The following ERCC2 variants were observed in gnomAD, a reference collection of about 807,000 sequenced individuals.
ERCC2 encodes the protein ERCC excision repair 2, TFIIH core complex helicase subunit, also known as general transcription and DNA repair factor IIH helicase subunit XPD.
In ERCC2, 90 loss-of-function variants were observed where a neutral mutation model predicts 99.4. The observed-to-expected ratio is 0.91, with a 90% confidence interval of 0.76 to 1.08. The LOEUF (loss-of-function observed/expected upper bound fraction) is 1.08. Ranked by LOEUF, ERCC2 falls within the 50% of genes least tolerant of loss-of-function variation. The pLI, the probability that ERCC2 is intolerant of heterozygous loss-of-function variation, is 0.00. For synonymous variants in ERCC2, 497 were observed against 432.4 expected, an observed-to-expected ratio of 1.15 and a Z score of -1.85; for missense variants, 993 against 1,038.1, an observed-to-expected ratio of 0.96 and a Z score of 0.60.
At chr19:45,368,429 G>T (rs1001208168) in intron 5 of ERCC2, among the ~76,000 whole-genome samples, 1 of 152,156 alleles carries the variant, frequency 6.6e-6, no homozygotes, top group Non-Finnish European at 1.5e-5. Context: ...CTAGGCCTGG[G>T]TAGAATTTGA....
chr19:45,358,289 G>C (rs1972084433), intron 12 of ERCC2: 1 of 187,342 alleles, frequency 5.3e-6, no homozygotes, highest in Non-Finnish European at 1.1e-5. Context: ...CAAAGTGCCA[G>C]GATTACAAGT....
rs1217276240 is a variant in ERCC2, at chr19:45,351,643, C to G, written c.2269G>C (p.Ala757Pro). ...EETLKRIEQI[A>P]QQL ...ACCCGCCCCACTCAGAGCTGCTGAG[C>G]AATCTGCTCTATCCTCTTCAGCGTC... Residue 757 changes from alanine to proline, a missense_variant, in exon 23 of 23, where the codon GCT (alanine) becomes CCT (proline). This residue lies in a region of ERCC2 where 909 missense variants were observed against 930.8 expected (regional missense o/e 0.98). Coordinates refer to ENST00000391945, the MANE Select transcript of ERCC2 (RefSeq NM_000400.4). 1.9e-6 allele frequency: 3 copies of G among 1,614,072 alleles called. No individual in the cohort carries two copies. The highest frequency in any genetic ancestry group is 2.5e-6 in the Non-Finnish European group (3 of 1,179,988).
chr19:45,356,805 C>T (rs957478685), intron 15 of ERCC2, among the ~76,000 whole-genome samples: 1 of 152,136 alleles, frequency 6.6e-6, no homozygotes, highest in Non-Finnish European at 1.5e-5. Context: ...AAGACTCCGT[C>T]GCACAACAAA....
Position 45,351,086 on chromosome 19 carries a change from G to GGGC in ERCC2, c.*540_*542dup. 6.2e-7 allele frequency: 1 copy of GGGC among 1,612,572 alleles called. No homozygotes were observed. The highest frequency in any genetic ancestry group is 1.1e-5 in the South Asian group (1 of 90,948). On this transcript the variant is annotated 3_prime_UTR_variant, in exon 23 of 23. Coordinates refer to ENST00000391945, the MANE Select transcript of ERCC2 (RefSeq NM_000400.4). ...TAGGTGCAGAGATGAGGCAAAGGCA[G>GGGC]GGCGGTCGGGCCAGTGGTGGAGTCA...
At chr19:45,356,834 G>C (rs1972029067) in intron 15 of ERCC2, among the ~76,000 whole-genome samples, 1 of 152,150 alleles carries the variant, frequency 6.6e-6, no homozygotes, top group Admixed American at 6.6e-5. Flanking sequence ...ACCACATCCA[G>C]CCTGGGGACT....
chr19:45,364,036 T>C lies in ERCC2; in HGVS notation c.899A>G (p.Glu300Gly), dbSNP rs1972328811. ...GGGGTTGGCCAGGTGGGCGTCCGTC[T>C]CCCGGGCGGCGCTGGCCTCCCGCAG... ...EGLREASAAR[E>G]TDAHLANPVL... The change falls in exon 10 of 23, where the codon GAG becomes GGG. Residue 300 changes from glutamate to glycine, a missense_variant. Around this residue, in one of 3 missense-constraint regions of ERCC2, gnomAD observed 909 missense variants for 930.8 expected, o/e 0.98. Coordinates refer to ENST00000391945, the MANE Select transcript of ERCC2 (RefSeq NM_000400.4). The C allele has an allele frequency of 1.3e-6, 2 of 1,560,278 alleles. No homozygotes were observed. Among genetic ancestry groups the C allele is most frequent in the South Asian group, 2.3e-5 (2 of 85,584 alleles).
intron 17 of ERCC2, among the ~76,000 whole-genome samples, chr19:45,354,273 T>G (rs1022721552): frequency 6.6e-6 from 1 of 152,216 alleles, no homozygotes; most frequent in Non-Finnish European, 1.5e-5. Context: ...CGACCTCCTC[T>G]AGCTGCTTCC....
At position 45,357,690 on chromosome 19, in the gene ERCC2, ATGG is replaced by A. The variant is rs778831415; in HGVS notation, c.1244_1246del (p.Thr415del). On this transcript the variant is annotated inframe_deletion, in exon 13 of 23. Coordinates refer to ENST00000391945, the MANE Select transcript of ERCC2 (RefSeq NM_000400.4). ...TCTGTCGTCAAAGGGCTCGATGATG[ATGG>A]TGAAGCCTGCAGAGGGCAGGCAAGG... 6.2e-6 allele frequency: 10 copies of A among 1,613,646 alleles called. No homozygotes were observed. The highest frequency in any genetic ancestry group is 1.3e-5 in the African/African-American group (1 of 74,884).
chr19:45,368,292 T>C (rs1368759965), intron 5 of ERCC2, among the ~76,000 whole-genome samples: 1 of 152,144 alleles, frequency 6.6e-6, no homozygotes, highest in African/African-American at 2.4e-5. Context: ...ATTATCCCCA[T>C]TTTACAGAAA....
Position 45,367,400 on chromosome 19 carries a change from CAT to C in ERCC2, c.360+1228_360+1229del, listed in dbSNP as rs199743099. Among the ~76,000 whole-genome samples the C allele has an allele frequency of 8.4e-4, 123 of 147,012 alleles. 1 individual carries two copies. The highest frequency in any genetic ancestry group is 3.0e-3 in the Admixed American group (43 of 14,512). ...ACACACACACACACACACACACACA[CAT>C]ATAAAAACATATATACACACACATA... On this transcript the variant is annotated intron_variant, in intron 5 of 22. Coordinates refer to ENST00000391945, the MANE Select transcript of ERCC2 (RefSeq NM_000400.4).
At position 45,352,878 on chromosome 19, in the gene ERCC2, C is replaced by G; in HGVS notation, c.1832-62G>C. ...AGTGTGGCTGGTGGGACAGGGACAG[C>G]CTCACGCGACCCAGGATGCTGTGTC... On this transcript the variant is annotated intron_variant, in intron 19 of 22. Coordinates refer to ENST00000391945, the MANE Select transcript of ERCC2 (RefSeq NM_000400.4). The G allele has an allele frequency of 2.0e-6, 3 of 1,501,886 alleles. No homozygotes were observed. The South Asian group carries it at 3.4e-5, about 17-fold the overall frequency. 93.0% of individuals were successfully genotyped at this position (1,501,886 alleles called of 1,614,324 possible). A position where few individuals can be genotyped will look rare whatever the true frequency, so the allele number is the denominator to read the frequency against.
intron 21 of ERCC2, 47 bp downstream of exon 21, chr19:45,352,459 T>C (rs1263382649): frequency 1.2e-6 from 2 of 1,613,924 alleles, no homozygotes; most frequent in South Asian, 1.1e-5. Flanking sequence ...AACAGCCTGG[T>C]TCTTGGAGCC....
Position 45,350,810 on chromosome 19 carries a change from C to A in ERCC2, c.*819G>T. 1.5e-6 allele frequency: 2 copies of A among 1,307,338 alleles called. No individual in the cohort carries two copies. The highest frequency in any genetic ancestry group is 2.4e-5 in the East Asian group (1 of 42,182). The allele number at this position is 1,307,338 out of a possible 1,614,324, so 81.0% of individuals were successfully genotyped here. On this transcript the variant is annotated 3_prime_UTR_variant, in exon 23 of 23. Transcript: ENST00000391945. ...AGCAGAATCCACAGCCCACCCCACC[C>A]CCACCCCCATCTTGCTCAAGAACCT...
intron 12 of ERCC2, chr19:45,357,945 C>T: frequency 1.7e-6 from 1 of 581,908 alleles, no homozygotes; most frequent in Non-Finnish European, 3.1e-6. Flanking sequence ...AGTAGAGAGC[C>T]CACAGCCCCG....
chr19:45,352,682 TGG>T, intron 20 of ERCC2, 33 bp from the exon 21 acceptor site: 1 of 1,612,574 alleles, frequency 6.2e-7, no homozygotes, highest in Non-Finnish European at 8.5e-7. Flanking sequence ...GCTGGGGAGG[TGG>T]GGGAGCCACT....
At chr19:45,364,815 G>A in intron 7 of ERCC2, 23 bp downstream of exon 7, 2 of 1,569,100 alleles carry the variant, frequency 1.3e-6, no homozygotes, top group Non-Finnish European at 1.8e-6. Flanking sequence ...TCGCCCCTCT[G>A]CCCATCCCAC....
intron 22 of ERCC2, 135 bp downstream of exon 22, chr19:45,352,074 A>G (rs1352945731): frequency 9.5e-6 from 10 of 1,054,520 alleles, no homozygotes; most frequent in Non-Finnish European, 1.4e-5. Context: ...TGGCACGTAG[A>G]TGCACGATAA....
At position 45,354,471 on chromosome 19, in the gene ERCC2, G is replaced by A. The variant is rs3916871; in HGVS notation, c.1665+259C>T. Reference sequence around the variant, plus strand: ...AGCAGAGAAGCAAGGAACCTAGAACGTGGGGGTGACTCTGCCACAGGGTAC... The same window carrying A: ...AGCAGAGAAGCAAGGAACCTAGAACATGGGGGTGACTCTGCCACAGGGTAC... On this transcript the variant is annotated intron_variant, in intron 17 of 22. Coordinates refer to ENST00000391945, the MANE Select transcript of ERCC2 (RefSeq NM_000400.4). Among the ~76,000 whole-genome samples, 1,122 of 152,340 alleles carry A rather than the reference G, an allele frequency of 7.4e-3. 11 individuals are homozygous for A. Among genetic ancestry groups the A allele is most frequent in the African/African-American group, 0.022 (921 of 41,572 alleles).
At position 45,351,697 on chromosome 19, in the gene ERCC2, G is replaced by C. The variant is rs199922063; in HGVS notation, c.2215C>G (p.Leu739Val). 6.2e-7 allele frequency: 1 copy of C among 1,613,926 alleles called. No individual in the cohort carries two copies. Among genetic ancestry groups the C allele is most frequent in the Non-Finnish European group, 8.5e-7 (1 of 1,180,004 alleles). Residue 739 changes from leucine (L) to valine (V), a missense_variant, in exon 23 of 23, where the codon CTC (leucine) becomes GTC (valine). Transcript: ENST00000391945. ...TCTGATTCTAGCTGCTCCAGGCTGA[G>C]CAGGGACAGGCCCAGCTGATCCTCC... ...HREDQLGLSLLSLEQLESEET... is the reference protein window; with the variant it reads ...HREDQLGLSLVSLEQLESEET...
Sources: allele counts gnomAD v4.1 joint callset (sites outside exome capture counted in the v4.1 genomes callset), GRCh38; gene constraint gnomAD v4.1.1; regional missense constraint gnomAD v4.1.1; transcripts MANE v1.5; gene names NCBI Gene and HGNC (gene_info 2026-07-23, HGNC 2026-07-21).